The following GMDS variants were observed in gnomAD, a reference collection of about 807,000 sequenced individuals.
The protein encoded by GMDS is GDP-mannose 4,6-dehydratase.
Under a neutral mutation model 49.9 loss-of-function variants are expected in GMDS, and 20 were observed. The ratio of observed to expected loss-of-function variants is 0.40; its 90% CI spans 0.28 to 0.58. GMDS has a LOEUF of 0.58. Among genes scored for constraint, GMDS ranks in the 20% least tolerant of loss-of-function variants. The pLI, the probability that GMDS is intolerant of heterozygous loss-of-function variation, is 0.42. For missense variants in GMDS, 362 were observed against 481.4 expected (o/e 0.75, Z 2.32); for synonymous variants, 177 against 178.6 (o/e 0.99, Z 0.07).
intron 6 of GMDS, among the ~76,000 whole-genome samples, chr6:1,937,090 T>C (rs1348364202): frequency 6.6e-6 from 1 of 152,214 alleles, no homozygotes; most frequent in Non-Finnish European, 1.5e-5. Context: ...GTGTTGCAAC[T>C]GCCTACAGTG....
At chr6:1,696,397 C>T (rs1032456392) in intron 9 of GMDS, among the ~76,000 whole-genome samples, 53 of 152,242 alleles carry the variant, frequency 3.5e-4, no homozygotes, top group African/African-American at 1.3e-3. Flanking sequence ...AACCATTTTC[C>T]TCCTGAGAAT....
intron 9 of GMDS, among the ~76,000 whole-genome samples, chr6:1,672,654 G>A (rs899048861): frequency 6.6e-5 from 10 of 152,236 alleles, no homozygotes; most frequent in Non-Finnish European, 2.9e-5. Flanking sequence ...GGAGTACAGA[G>A]AGAAAACCTG....
intron 4 of GMDS, among the ~76,000 whole-genome samples, chr6:2,035,223 G>T (rs749699047): frequency 2.0e-5 from 3 of 152,160 alleles, no homozygotes. Context: ...CATTATGAAA[G>T]GTGTTAATCA....
chr6:2,165,679 C>T (rs986999323), intron 1 of GMDS, among the ~76,000 whole-genome samples: 1 of 152,168 alleles, frequency 6.6e-6, no homozygotes, highest in Non-Finnish European at 1.5e-5. Flanking sequence ...CTGTGGAAGA[C>T]AACTCATGTT....
intron 4 of GMDS, among the ~76,000 whole-genome samples, chr6:2,024,228 A>G (rs1424705459): frequency 6.6e-6 from 1 of 152,198 alleles, no homozygotes; most frequent in Non-Finnish European, 1.5e-5. Context: ...AAGTAAAAGC[A>G]AAATAGAGAT....
At chr6:2,238,674 C>A (rs536268499) in intron 1 of GMDS, among the ~76,000 whole-genome samples, 1 of 152,116 alleles carries the variant, frequency 6.6e-6, no homozygotes, top group Non-Finnish European at 1.5e-5. Context: ...CATTTGTAAT[C>A]CACACATCAA....
At chr6:1,974,696 A>G (rs1402006734) in intron 4 of GMDS, among the ~76,000 whole-genome samples, 1 of 152,134 alleles carries the variant, frequency 6.6e-6, no homozygotes, top group Non-Finnish European at 1.5e-5. Context: ...AACTACATGC[A>G]CTATGATGAA....
At chr6:2,227,134 A>T (rs562339674) in intron 1 of GMDS, among the ~76,000 whole-genome samples, 23 of 152,236 alleles carry the variant, frequency 1.5e-4, no homozygotes, top group South Asian at 6.2e-4. Context: ...TTCAATAGTG[A>T]ACATTATTTT....
intron 7 of GMDS, among the ~76,000 whole-genome samples, chr6:1,811,323 T>C (rs868067525): frequency 6.6e-6 from 1 of 152,214 alleles, no homozygotes; most frequent in African/African-American, 2.4e-5. Context: ...AAGTTTGAAC[T>C]GCCATGAATA....
chr6:2,017,903 C>T (rs1164250447), intron 4 of GMDS, among the ~76,000 whole-genome samples: 1 of 152,118 alleles, frequency 6.6e-6, no homozygotes, highest in African/African-American at 2.4e-5. Context: ...ACCAGGTCAC[C>T]ATTCTAACAC....
intron 4 of GMDS, among the ~76,000 whole-genome samples, chr6:2,061,727 A>AAG (rs905541635): frequency 2.6e-5 from 4 of 151,008 alleles, no homozygotes; most frequent in Admixed American, 6.6e-5. Flanking sequence ...TCAAAAAAAA[A>AAG]AAAAAAAAAA....
In GMDS at chr6:1,766,784, TA is replaced by T. The variant is rs1387319175; in HGVS notation, c.772-24199del. On this transcript the variant is annotated intron_variant, in intron 7 of 10. Transcript: ENST00000380815. This position sits in a 1 kb window ranked among gnomAD's most constrained non-coding sequence, Gnocchi z 4.5. ...ATGCTAAAAACTGCGTTATGTTTTTTAAAAACCCAACAAACTCTAAAATGTT... is the reference window on the plus strand; with the variant it reads ...ATGCTAAAAACTGCGTTATGTTTTTTAAAACCCAACAAACTCTAAAATGTT... Among the ~76,000 whole-genome samples, 1 of 152,222 alleles carries T rather than the reference TA, an allele frequency of 6.6e-6. No homozygotes were observed. Among genetic ancestry groups the T allele is most frequent in the Non-Finnish European group, 1.5e-5 (1 of 68,038 alleles).
chr6:2,189,627 A>G (rs1778928241), intron 1 of GMDS, among the ~76,000 whole-genome samples: 5 of 152,172 alleles, frequency 3.3e-5, no homozygotes, highest in Admixed American at 2.6e-4. Context: ...TCCTGCCTTC[A>G]TAGTTCTGAA....
At chr6:1,975,229 C>T (rs148620856) in intron 4 of GMDS, among the ~76,000 whole-genome samples, 95 of 152,234 alleles carry the variant, frequency 6.2e-4, no homozygotes, top group African/African-American at 2.0e-3. Flanking sequence ...TACCGCCTCA[C>T]GATTTTTACA....
intron 1 of GMDS, among the ~76,000 whole-genome samples, chr6:2,158,732 C>T (rs569874644): frequency 2.0e-5 from 3 of 152,332 alleles, no homozygotes; most frequent in South Asian, 2.1e-4. Flanking sequence ...CTTAGCGAAT[C>T]GCTTCTTACC....
At chr6:1,838,822 C>T (rs559227084) in intron 7 of GMDS, among the ~76,000 whole-genome samples, 1 of 152,274 alleles carries the variant, frequency 6.6e-6, no homozygotes, top group Admixed American at 6.5e-5. Context: ...TGCATGTAAA[C>T]ATACCTATTA....
chr6:1,726,324 C>T (rs1766584203), intron 9 of GMDS, 92 bp downstream of exon 9: 1 of 823,572 alleles, frequency 1.2e-6, no homozygotes, highest in African/African-American at 1.7e-5. Flanking sequence ...GAACTGACAG[C>T]TCCAAAGGCT....
At chr6:1,934,467 G>A (rs1434182636) in intron 6 of GMDS, among the ~76,000 whole-genome samples, 1 of 152,154 alleles carries the variant, frequency 6.6e-6, no homozygotes, top group African/African-American at 2.4e-5. Context: ...CAAAATGGAG[G>A]CTATGCCCAT....
At chr6:1,953,535 A>T (rs1178906482) in intron 6 of GMDS, among the ~76,000 whole-genome samples, 1 of 152,186 alleles carries the variant, frequency 6.6e-6, no homozygotes, top group Non-Finnish European at 1.5e-5. Context: ...TAGTTTTGTA[A>T]AGGTCACCAT....
Sources: allele counts gnomAD v4.1 joint callset (sites outside exome capture counted in the v4.1 genomes callset), GRCh38; gene constraint gnomAD v4.1.1; non-coding constraint Gnocchi (gnomAD v3.1); transcripts MANE v1.5; gene names NCBI Gene and HGNC (gene_info 2026-07-23, HGNC 2026-07-21).